The following NPSR1 variants were observed in gnomAD, a reference collection of about 807,000 sequenced individuals.
NPSR1 encodes neuropeptide S receptor 1.
A neutral mutation model predicts 46.9 loss-of-function variants in NPSR1; 48 were observed. The ratio of observed to expected loss-of-function variants is 1.02; its 90% CI spans 0.81 to 1.30. The LOEUF (loss-of-function observed/expected upper bound fraction) is 1.30, where lower values mean the gene tolerates loss of function less well. NPSR1 is among the 50% of genes most tolerant of loss of function. NPSR1 has a pLI of 0.00. For missense variants in NPSR1, 450 were observed against 449.5 expected (o/e 1.00, Z -0.01); for synonymous variants, 176 against 168.1 (o/e 1.05, Z -0.36).
At chr7:34,805,764 A>G (rs1251990731) in intron 3 of NPSR1, among the ~76,000 whole-genome samples, 1 of 152,026 alleles carries the variant, frequency 6.6e-6, no homozygotes, top group African/African-American at 2.4e-5. Flanking sequence ...TCAGAATGGG[A>G]GAAAATATCT....
chr7:34,766,447 A>T (rs1786436273), intron 2 of NPSR1, among the ~76,000 whole-genome samples: 2 of 152,258 alleles, frequency 1.3e-5, no homozygotes, highest in Non-Finnish European at 2.9e-5. Context: ...AACTGAAAAT[A>T]ACCCAAACAT....
At chr7:34,772,354 T>C (rs1426652483) in intron 2 of NPSR1, among the ~76,000 whole-genome samples, 1 of 152,188 alleles carries the variant, frequency 6.6e-6, no homozygotes, top group Non-Finnish European at 1.5e-5. Context: ...AAGTTGCAGT[T>C]TCTTTTGTTG....
intron 2 of NPSR1, among the ~76,000 whole-genome samples, chr7:34,760,703 C>G (rs1268068228): frequency 1.3e-5 from 2 of 152,154 alleles, no homozygotes; most frequent in Admixed American, 6.5e-5. Context: ...TAGTTAGTGG[C>G]TAAAACTAAG....
At chr7:34,696,355 G>T (rs1250078743) in intron 2 of NPSR1, among the ~76,000 whole-genome samples, 1 of 151,954 alleles carries the variant, frequency 6.6e-6, no homozygotes, top group Non-Finnish European at 1.5e-5. Context: ...GTTACCTATT[G>T]GTTACAGTGT....
chr7:34,791,243 G>C (rs1184155982), intron 3 of NPSR1, among the ~76,000 whole-genome samples: 2 of 99,628 alleles, frequency 2.0e-5, no homozygotes, highest in African/African-American at 4.4e-5. Context: ...TATTATATAT[G>C]TTATATGTTA....
At chr7:34,758,152 A>G (rs972281356) in intron 2 of NPSR1, 1 of 152,644 alleles carries the variant, frequency 6.6e-6, no homozygotes, top group Non-Finnish European at 1.5e-5. Flanking sequence ...TATGGTGATG[A>G]TTAAATTAGT....
rs936489971 is a variant in NPSR1, at chr7:34,750,257, C to T, written c.281-28205C>T. ...AACAGGCAAGATGACTTCTCAGGAT[C>T]TGTGCCTGCGAGCTGATGCTCTGAG... On this transcript the variant is annotated intron_variant, in intron 2 of 8. Transcript: ENST00000360581. The T allele has an allele frequency of 7.6e-6, 5 of 660,234 alleles. No individual in the cohort carries two copies. The African/African-American group carries it at 8.9e-5, about 12-fold the overall frequency. The allele number at this position is 660,234 out of a possible 1,614,324, so 40.9% of individuals were successfully genotyped here. A position where few individuals can be genotyped will look rare whatever the true frequency, so the allele number is the denominator to read the frequency against.
At chr7:34,729,623 T>C (rs1052041592) in intron 2 of NPSR1, among the ~76,000 whole-genome samples, 2 of 152,156 alleles carry the variant, frequency 1.3e-5, no homozygotes, top group African/African-American at 2.4e-5. Flanking sequence ...TAATAAGACA[T>C]GTAATTAAAG....
At chr7:34,705,599 A>ATCTC (rs60599463) in intron 2 of NPSR1, among the ~76,000 whole-genome samples, 29 of 147,222 alleles carry the variant, frequency 2.0e-4, no homozygotes, top group South Asian at 6.6e-4. Flanking sequence ...ATGTATGTTG[A>ATCTC]TCTCTCTCTC....
At chr7:34,804,563 A>T (rs1352038413) in intron 3 of NPSR1, among the ~76,000 whole-genome samples, 1 of 152,098 alleles carries the variant, frequency 6.6e-6, no homozygotes, top group Non-Finnish European at 1.5e-5. Context: ...CATACAGTTA[A>T]CCTCATATTT....
chr7:34,717,582 C>T (rs1296599616), intron 2 of NPSR1, among the ~76,000 whole-genome samples: 1 of 152,198 alleles, frequency 6.6e-6, no homozygotes, highest in African/African-American at 2.4e-5. Flanking sequence ...AATGAGAACC[C>T]TGGGACCCCC....
intron 2 of NPSR1, chr7:34,718,802 G>A (rs1783702907): frequency 6.6e-6 from 1 of 152,206 alleles, no homozygotes; most frequent in Non-Finnish European, 1.5e-5. Context: ...TGCACCAAAA[G>A]GGAAAGTCAT....
intron 2 of NPSR1, among the ~76,000 whole-genome samples, chr7:34,702,672 G>C (rs1036474932): frequency 6.6e-6 from 1 of 152,102 alleles, no homozygotes; most frequent in African/African-American, 2.4e-5. Flanking sequence ...TCCTATTGCT[G>C]GCTGTTTATG....
At chr7:34,691,576 T>G (rs890373700) in intron 2 of NPSR1, among the ~76,000 whole-genome samples, 1 of 151,946 alleles carries the variant, frequency 6.6e-6, no homozygotes, top group African/African-American at 2.4e-5. Flanking sequence ...TTATATTAGA[T>G]AAAACAGACA....
chr7:34,808,626 T>G (rs10251302), intron 3 of NPSR1, among the ~76,000 whole-genome samples: 22,304 of 152,206 alleles, frequency 0.15, 2,134 homozygotes, highest in East Asian at 0.32. Flanking sequence ...CTTGAATTCT[T>G]AATTTTAATT....
chr7:34,798,798 C>A (rs1454559555), intron 3 of NPSR1, among the ~76,000 whole-genome samples: 1 of 152,008 alleles, frequency 6.6e-6, no homozygotes, highest in Non-Finnish European at 1.5e-5. Flanking sequence ...CAGAATAGAA[C>A]TAAAAATCAG....
intron 4 of NPSR1, 62 bp from the exon 5 acceptor site, chr7:34,827,339 T>C: frequency 7.0e-7 from 1 of 1,426,932 alleles, no homozygotes; most frequent in Non-Finnish European, 9.8e-7. Context: ...TATAGCAGAC[T>C]CCATTGTGCT....
At chr7:34,792,715 T>TATATATATATGTATATATATATATG (rs1787980054) in intron 3 of NPSR1, among the ~76,000 whole-genome samples, 1 of 98,920 alleles carries the variant, frequency 1.0e-5, no homozygotes, top group East Asian at 3.0e-4. Context: ...ATATATATAT[T>TATATATATATGTATATATATATATG]TATATATATA....
At chr7:34,780,693 T>G (rs1394307227) in intron 3 of NPSR1, among the ~76,000 whole-genome samples, 1 of 152,136 alleles carries the variant, frequency 6.6e-6, no homozygotes, top group Non-Finnish European at 1.5e-5. Flanking sequence ...ATAGCTCTCA[T>G]TCATAGTGAA....
Sources: gnomAD v4.1 joint callset for allele counts (sites outside exome capture counted in the v4.1 genomes callset) on GRCh38, gnomAD v4.1.1 for gene constraint, MANE v1.5 for transcripts, NCBI Gene and HGNC (gene_info 2026-07-23, HGNC 2026-07-21) for gene names.